CSMD1: variants seen among roughly 807,000 people sequenced by gnomAD.
CSMD1 encodes CUB and sushi domain-containing protein 1.
CSMD1 carries 213 observed loss-of-function variants against 417.5 expected under a neutral mutation model. The observed-to-expected ratio is 0.51, with a 90% CI of 0.46 to 0.57. The LOEUF is 0.57. Ranked by LOEUF, CSMD1 falls within the 20% of genes least tolerant of loss-of-function variation. The pLI is 0.00. For missense variants in CSMD1, 6,923 were observed against 4,529.7 expected (o/e 1.53, Z -15.17); for synonymous variants, 2,862 against 1,736.8 (o/e 1.65, Z -16.11).
intron 18 of CSMD1, among the ~76,000 whole-genome samples, chr8:3,381,621 T>C (rs575960105): frequency 3.3e-5 from 5 of 152,326 alleles, no homozygotes; most frequent in Non-Finnish European, 5.9e-5. Context: ...TTTACAAAAT[T>C]ATAATTAGCC....
chr8:3,659,091 A>C (rs1798276263), intron 7 of CSMD1, among the ~76,000 whole-genome samples: 1 of 152,186 alleles, frequency 6.6e-6, no homozygotes. Context: ...ATGGTAATCT[A>C]ATTATTTCAG....
chr8:3,797,197 T>G (rs1800202032), intron 5 of CSMD1, among the ~76,000 whole-genome samples: 1 of 151,906 alleles, frequency 6.6e-6, no homozygotes, highest in South Asian at 2.1e-4. Context: ...GTCAAAGAAC[T>G]TCAATCTGAA....
intron 1 of CSMD1, among the ~76,000 whole-genome samples, chr8:4,727,643 T>G (rs1036830231): frequency 3.9e-5 from 6 of 152,094 alleles, no homozygotes; most frequent in African/African-American, 7.2e-5. Flanking sequence ...TGGTTCCCAC[T>G]TGAAATCCAC....
intron 15 of CSMD1, among the ~76,000 whole-genome samples, chr8:3,400,328 T>C (rs1412485736): frequency 6.6e-6 from 1 of 152,188 alleles, no homozygotes; most frequent in African/African-American, 2.4e-5. Context: ...TGTGGATTTA[T>C]AGATATCAAA....
At chr8:4,806,584 T>C (rs1255017806) in intron 1 of CSMD1, among the ~76,000 whole-genome samples, 1 of 152,216 alleles carries the variant, frequency 6.6e-6, no homozygotes, top group Non-Finnish European at 1.5e-5. Context: ...ATAATCATAT[T>C]TTTCAAAAAG....
At chr8:4,815,256 T>G (rs1221676854) in intron 1 of CSMD1, among the ~76,000 whole-genome samples, 1 of 152,138 alleles carries the variant, frequency 6.6e-6, no homozygotes, top group Admixed American at 6.5e-5. Context: ...ATTAACAATT[T>G]ATTTGAATTG....
intron 3 of CSMD1, among the ~76,000 whole-genome samples, chr8:4,178,889 C>G (rs1798200034): frequency 6.6e-6 from 1 of 152,242 alleles, no homozygotes; most frequent in Non-Finnish European, 1.5e-5. Context: ...AGGACCTCTT[C>G]AAGGAGAACT....
At chr8:4,622,098 C>T (rs539077074) in intron 2 of CSMD1, among the ~76,000 whole-genome samples, 3 of 150,978 alleles carry the variant, frequency 2.0e-5, no homozygotes, top group African/African-American at 7.3e-5. Context: ...GAGACAAAAT[C>T]TCTCATCAGG....
intron 25 of CSMD1, among the ~76,000 whole-genome samples, chr8:3,288,041 TC>T (rs1253511405): frequency 1.4e-5 from 2 of 147,646 alleles, no homozygotes; most frequent in Middle Eastern, 3.4e-3. Context: ...AAAGGCCTTT[TC>T]TGCATCTATT....
chr8:4,199,496 G>A (rs890555133), intron 3 of CSMD1, among the ~76,000 whole-genome samples: 3 of 152,166 alleles, frequency 2.0e-5, no homozygotes, highest in African/African-American at 7.2e-5. Context: ...GGAATATGGT[G>A]TAAAATGTCA....
intron 5 of CSMD1, among the ~76,000 whole-genome samples, chr8:3,767,049 C>G (rs910469849): frequency 2.4e-4 from 36 of 152,210 alleles, no homozygotes; most frequent in African/African-American, 8.4e-4. Context: ...AGCTCTTCAG[C>G]TGCTTTTCAG....
chr8:3,990,256 C>T (rs1352866779), intron 5 of CSMD1, among the ~76,000 whole-genome samples: 1 of 152,118 alleles, frequency 6.6e-6, no homozygotes. Context: ...TAAAAGACTT[C>T]TTTTTTCATT....
At chr8:3,295,625 C>G (rs1333934575) in intron 25 of CSMD1, among the ~76,000 whole-genome samples, 1 of 152,192 alleles carries the variant, frequency 6.6e-6, no homozygotes, top group African/African-American at 2.4e-5. Flanking sequence ...TCTAGGCCAG[C>G]ATGATAAAGC....
At chr8:4,238,162 C>G (rs1321790709) in intron 3 of CSMD1, among the ~76,000 whole-genome samples, 1 of 152,166 alleles carries the variant, frequency 6.6e-6, no homozygotes, top group East Asian at 1.9e-4. Context: ...TCCTGGAATC[C>G]CAAAGGACAT....
At chr8:3,396,467 A>T in intron 16 of CSMD1, 86 bp from the exon 17 acceptor site, 1 of 938,388 alleles carries the variant, frequency 1.1e-6, no homozygotes, top group Non-Finnish European at 1.6e-6. Flanking sequence ...CCTTAATCAG[A>T]AACCCATGTA....
chr8:4,587,192 G>A (rs774104472), intron 2 of CSMD1, among the ~76,000 whole-genome samples: 1 of 152,058 alleles, frequency 6.6e-6, no homozygotes, highest in Non-Finnish European at 1.5e-5. Context: ...TACTTGAAGG[G>A]TATGTAATTC....
At chr8:4,981,827 T>C (rs992664404) in intron 1 of CSMD1, among the ~76,000 whole-genome samples, 1 of 152,144 alleles carries the variant, frequency 6.6e-6, no homozygotes, top group Admixed American at 6.5e-5. Flanking sequence ...TGATTATGTG[T>C]ACAGGATTAT....
At chr8:3,428,296 A>T (rs1223339514) in intron 12 of CSMD1, among the ~76,000 whole-genome samples, 1 of 152,214 alleles carries the variant, frequency 6.6e-6, no homozygotes, top group Non-Finnish European at 1.5e-5. Flanking sequence ...TGCAGCCAGA[A>T]CTGCTTCCTT....
intron 10 of CSMD1, among the ~76,000 whole-genome samples, chr8:3,500,036 G>T (rs10103646): frequency 0.073 from 11,141 of 152,092 alleles, 423 homozygotes; most frequent in Middle Eastern, 0.099. Flanking sequence ...CAGGCATCTG[G>T]GGTGGGAGTG....
Sources: gnomAD v4.1 joint callset for allele counts (sites outside exome capture counted in the v4.1 genomes callset) on GRCh38, gnomAD v4.1.1 for gene constraint, MANE v1.5 for transcripts, NCBI Gene and HGNC (gene_info 2026-07-23, HGNC 2026-07-21) for gene names.